JMJD1C: variants seen among roughly 807,000 people sequenced by gnomAD.
JMJD1C encodes jumonji domain-containing protein 1C.
In JMJD1C, 31 loss-of-function variants were observed where a neutral mutation model predicts 245.3. That is an observed-to-expected ratio of 0.13 (90% confidence interval 0.09 to 0.17). The LOEUF is 0.17. Among genes scored for constraint, JMJD1C ranks in the 10% least tolerant of loss-of-function variants. The probability of loss-of-function intolerance (pLI) is 1.00; values close to 1 mark genes in which losing one functional copy is unlikely to be tolerated. For missense variants in JMJD1C, 2,691 were observed against 3,000.2 expected, an observed-to-expected ratio of 0.90 and a Z score of 2.41; for synonymous variants, 1,057 against 1,017.4, an observed-to-expected ratio of 1.04 and a Z score of -0.74.
intron 2 of JMJD1C, among the ~76,000 whole-genome samples, chr10:63,287,876 T>C (rs1478232170): frequency 6.6e-6 from 1 of 152,092 alleles, no homozygotes; most frequent in African/African-American, 2.4e-5. Flanking sequence ...GCCTCTCAAG[T>C]AGCTGGGATT....
intron 1 of JMJD1C, among the ~76,000 whole-genome samples, chr10:63,423,243 G>A (rs1281368386): frequency 6.6e-6 from 1 of 152,124 alleles, no homozygotes; most frequent in African/African-American, 2.4e-5. Flanking sequence ...GGGATTACAG[G>A]CGTGAGGCAC....
Position 63,219,873 on chromosome 10 carries a change from G to C in JMJD1C, c.553+5C>G. On this transcript the variant is annotated splice_donor_5th_base_variant and intron_variant, in intron 4 of 25. Transcript: ENST00000399262. ...AAATTTAATGCATAACTTCAAAATAGTTACCTTGCATAAAAATCTCCTGAA... is the reference window on the plus strand; with the variant it reads ...AAATTTAATGCATAACTTCAAAATACTTACCTTGCATAAAAATCTCCTGAA... The C allele has an allele frequency of 1.2e-6, 2 of 1,606,324 alleles. No homozygotes were observed. The highest frequency in any genetic ancestry group is 2.2e-5 in the East Asian group (1 of 44,818).
chr10:63,194,500 GA>G, intron 13 of JMJD1C, 125 bp from the exon 14 acceptor site: 2 of 584,498 alleles, frequency 3.4e-6, no homozygotes, highest in South Asian at 2.4e-5. Flanking sequence ...AAGAGAAAAA[GA>G]AAAAAATAAA....
intron 3 of JMJD1C, among the ~76,000 whole-genome samples, chr10:63,248,182 G>C (rs1287163379): frequency 6.6e-6 from 1 of 152,016 alleles, no homozygotes; most frequent in East Asian, 1.9e-4. Context: ...TTAGCAGAAG[G>C]CCAGGCACGG....
rs772017551 is a variant in JMJD1C, at chr10:63,213,860, A to C, written c.2307T>G (p.Ser769=). Residue 769 remains serine (S), a synonymous_variant, in exon 8 of 26, where the codon TCT becomes TCG. Coordinates refer to ENST00000399262, the MANE Select transcript of JMJD1C (RefSeq NM_032776.3). ...TPAPHLLAGS[S]SQTPLPTINT... ...TAATGGTAGGTAATGGAGTTTGACT[A>C]GATGATCCGGCTAGTAAATGGGGTG... 6.2e-7 allele frequency: 1 copy of C among 1,614,138 alleles called. No homozygotes were observed. The highest frequency in any genetic ancestry group is 8.5e-7 in the Non-Finnish European group (1 of 1,180,000).
chr10:63,458,917 T>G (rs1469508537), intron 1 of JMJD1C, among the ~76,000 whole-genome samples: 2 of 152,096 alleles, frequency 1.3e-5, no homozygotes, highest in African/African-American at 4.8e-5. Context: ...AGACAGGATT[T>G]CACCATGTTG....
chr10:63,290,756 A>G (rs1033107339), intron 2 of JMJD1C, among the ~76,000 whole-genome samples: 1 of 152,184 alleles, frequency 6.6e-6, no homozygotes, highest in Non-Finnish European at 1.5e-5. Flanking sequence ...TTTTGCTATT[A>G]CTATAAGTTC....
At chr10:63,464,013 G>A (rs1952993675) in intron 1 of JMJD1C, among the ~76,000 whole-genome samples, 1 of 151,814 alleles carries the variant, frequency 6.6e-6, no homozygotes, top group African/African-American at 2.4e-5. Context: ...AGATGAGGGG[G>A]TCTCACCTAT....
At chr10:63,334,613 CG>C (rs1942501718) in intron 2 of JMJD1C, among the ~76,000 whole-genome samples, 1 of 151,992 alleles carries the variant, frequency 6.6e-6, no homozygotes, top group Non-Finnish European at 1.5e-5. Flanking sequence ...CCCAGCTACT[CG>C]GGAGGCTGAG....
At position 63,465,331 on chromosome 10, in the gene JMJD1C, G is replaced by T. The variant is rs1953140627; in HGVS notation, c.168+164C>A. On this transcript the variant is annotated intron_variant, in intron 1 of 25. Coordinates refer to ENST00000399262, the MANE Select transcript of JMJD1C (RefSeq NM_032776.3). ...GGGGAAGCCGCTCGGAGAGACGCAG[G>T]GACCCAGGCAAGGGATGCGGGCAAA... 4.2e-6 allele frequency: 3 copies of T among 709,562 alleles called. No homozygotes were observed. In the South Asian group the frequency reaches 5.7e-5, roughly 14 times the overall value. The allele number at this position is 709,562 out of a possible 1,614,324, so 44.0% of individuals were successfully genotyped here. A position where few individuals can be genotyped will look rare whatever the true frequency, so the allele number is the denominator to read the frequency against.
rs1463859985 is a variant in JMJD1C at position 63,215,306 on chromosome 10, T to G, written c.972A>C (p.Glu324Asp). The change falls in exon 7 of 26, where the codon GAA becomes GAC. Residue 324 changes from glutamate to aspartate, a missense_variant. Transcript: ENST00000399262. ...RKGSDSSIPDEEKMKEEKYDY... is the reference protein window; with the variant it reads ...RKGSDSSIPDDEKMKEEKYDY... Reference sequence around the variant, plus strand: ...CATATTTTTCCTCCTTCATCTTCTCTTCATCTGGTATACTGCTATCTGAGC... The same window carrying G: ...CATATTTTTCCTCCTTCATCTTCTCGTCATCTGGTATACTGCTATCTGAGC... 2 of 1,614,142 alleles carry G rather than the reference T, an allele frequency of 1.2e-6. No homozygotes were observed.
rs764650583 is a variant in JMJD1C, at chr10:63,219,858, C to T, written c.553+20G>A. ...TGCCTAGATCCAAAAAAATTTAATGCATAACTTCAAAATAGTTACCTTGCA... is the reference window on the plus strand; with the variant it reads ...TGCCTAGATCCAAAAAAATTTAATGTATAACTTCAAAATAGTTACCTTGCA... On this transcript the variant is annotated intron_variant, in intron 4 of 25. Transcript: ENST00000399262. 86 of 1,573,360 alleles carry T rather than the reference C, an allele frequency of 5.5e-5. No individual in the cohort carries two copies. Among genetic ancestry groups the T allele is most frequent in the Non-Finnish European group, 7.0e-5 (80 of 1,145,452 alleles).
intron 2 of JMJD1C, among the ~76,000 whole-genome samples, chr10:63,362,434 A>C (rs977114758): frequency 1.3e-5 from 2 of 150,534 alleles, no homozygotes; most frequent in Non-Finnish European, 3.0e-5. Context: ...TGTAAATCAC[A>C]ATAGTTTAAA....
intron 2 of JMJD1C, among the ~76,000 whole-genome samples, chr10:63,265,345 C>A (rs1265627336): frequency 6.8e-6 from 1 of 146,954 alleles, no homozygotes; most frequent in Non-Finnish European, 1.5e-5. Flanking sequence ...TAGAGAGAGT[C>A]CGGTAAGAAG....
chr10:63,282,519 C>A (rs1045874837), intron 2 of JMJD1C, among the ~76,000 whole-genome samples: 1 of 152,156 alleles, frequency 6.6e-6, no homozygotes, highest in Non-Finnish European at 1.5e-5. Flanking sequence ...CTTTTTCACA[C>A]AATTAAAGAT....
At chr10:63,237,230 G>T (rs1400452469) in intron 3 of JMJD1C, among the ~76,000 whole-genome samples, 1 of 152,072 alleles carries the variant, frequency 6.6e-6, no homozygotes, top group Non-Finnish European at 1.5e-5. Context: ...TAGAGACAGG[G>T]TTTCACCATG....
At chr10:63,292,997 T>A (rs941638993) in intron 2 of JMJD1C, among the ~76,000 whole-genome samples, 3 of 152,134 alleles carry the variant, frequency 2.0e-5, no homozygotes, top group African/African-American at 7.2e-5. Flanking sequence ...TGAGCCGAGA[T>A]CATGCCACTG....
intron 1 of JMJD1C, among the ~76,000 whole-genome samples, chr10:63,434,891 C>T (rs1294157370): frequency 6.6e-6 from 1 of 152,166 alleles, no homozygotes; most frequent in South Asian, 2.1e-4. Flanking sequence ...TTACAGGGCA[C>T]TGAAAAAACT....
chr10:63,182,413 A>C (rs1325289864), intron 22 of JMJD1C, among the ~76,000 whole-genome samples: 2 of 152,224 alleles, frequency 1.3e-5, no homozygotes, highest in Non-Finnish European at 1.5e-5. Flanking sequence ...TGACAGCAGT[A>C]GCAATAGTAA....
Sources: gnomAD v4.1 joint callset for allele counts (sites outside exome capture counted in the v4.1 genomes callset) on GRCh38, gnomAD v4.1.1 for gene constraint, MANE v1.5 for transcripts, NCBI Gene and HGNC (gene_info 2026-07-23, HGNC 2026-07-21) for gene names.